The following PACS2 variants were observed in gnomAD, a reference collection of about 807,000 sequenced individuals.
The protein encoded by PACS2 is phosphofurin acidic cluster sorting protein 2.
PACS2 carries 36 observed loss-of-function variants against 113.0 expected under a neutral mutation model. The observed-to-expected ratio is 0.32, with a 90% CI of 0.24 to 0.42. PACS2 has a LOEUF of 0.42. PACS2 is among the 10% of genes least tolerant of loss of function. PACS2 has a pLI of 1.00. For missense variants in PACS2, 1,015 were observed against 1,239.5 expected (o/e 0.82, Z 2.72); for synonymous variants, 589 against 536.1 (o/e 1.10, Z -1.36).
chr14:105,345,230 A>G lies in PACS2; in HGVS notation c.120-3263A>G, dbSNP rs1376377438. Reference sequence around the variant, plus strand: ...AGACCATCCTGCCTAACACGGTGAAACCCCGTCTCCACTAAAAATACAAAA... The same window carrying G: ...AGACCATCCTGCCTAACACGGTGAAGCCCCGTCTCCACTAAAAATACAAAA... On this transcript the variant is annotated intron_variant, in intron 1 of 24. Transcript: ENST00000447393. Among the ~76,000 whole-genome samples the G allele has an allele frequency of 2.6e-5, 4 of 151,968 alleles. No individual in the cohort carries two copies. The East Asian group carries it at 7.7e-4, about 29-fold the overall frequency.
chr14:105,333,209 T>A (rs1200831688), intron 1 of PACS2, among the ~76,000 whole-genome samples: 1 of 152,224 alleles, frequency 6.6e-6, no homozygotes. Context: ...CCCCTCCTGC[T>A]GCATGTGCTC....
Position 105,355,572 on chromosome 14 carries a change from C to G in PACS2, c.423+395C>G, listed in dbSNP as rs782556782. Among the ~76,000 whole-genome samples the G allele has an allele frequency of 6.6e-6, 1 of 152,360 alleles. No individual in the cohort carries two copies. Reference sequence around the variant, plus strand: ...GTCTGCATCCTGCTCAGCACGTGCTCTGGCCCAGGATTGGCTGAGCAGGAG... The same window carrying G: ...GTCTGCATCCTGCTCAGCACGTGCTGTGGCCCAGGATTGGCTGAGCAGGAG... On this transcript the variant is annotated intron_variant, in intron 4 of 24. Transcript: ENST00000447393. The surrounding 1 kb of genome is among the most constrained non-coding windows in gnomAD (Gnocchi z 4.1).
In PACS2 at chr14:105,317,100, GTTC is replaced by G. The variant is rs992268128; in HGVS notation, c.119+2068_119+2070del. 2.6e-4 allele frequency among the ~76,000 whole-genome samples: 39 copies of G among 152,326 alleles called. No individual in the cohort carries two copies. The highest frequency in any genetic ancestry group is 1.9e-4 in the East Asian group (1 of 5,184). ...CTTAGTTTTGCTTTGTTCCTCCTGA[GTTC>G]TTCTGTACTCCTCACTTTTGCCCAG... is the stretch of plus-strand genomic sequence containing the variant. On this transcript the variant is annotated intron_variant, in intron 1 of 24. Transcript: ENST00000447393. The surrounding 1 kb of genome is among the most constrained non-coding windows in gnomAD (Gnocchi z 4.2).
chr14:105,390,697 C>T, intron 20 of PACS2: 1 of 181,116 alleles, frequency 5.5e-6, no homozygotes, highest in Admixed American at 5.4e-5. Context: ...CGATGGCTGG[C>T]CCTCTGGGAG....
chr14:105,364,884 A>G (rs587741142), intron 4 of PACS2, among the ~76,000 whole-genome samples: 1 of 152,056 alleles, frequency 6.6e-6, no homozygotes, highest in South Asian at 2.1e-4. Context: ...TTTTGTAGAG[A>G]TAAGAGTTTC....
At position 105,340,689 on chromosome 14, in the gene PACS2, T is replaced by C. The variant is rs1299709081; in HGVS notation, c.120-7804T>C. ...CTCTGGTCTACAGCACAGGTGACTT[T>C]TCTGTACCAGAGCTAGGAATGAAGG... On this transcript the variant is annotated intron_variant, in intron 1 of 24. Coordinates refer to ENST00000447393, the MANE Select transcript of PACS2 (RefSeq NM_001100913.3). The surrounding 1 kb of genome is among the most constrained non-coding windows in gnomAD (Gnocchi z 4.2). 1.3e-5 allele frequency among the ~76,000 whole-genome samples: 2 copies of C among 152,232 alleles called. No individual in the cohort carries two copies. The highest frequency in any genetic ancestry group is 2.4e-5 in the African/African-American group (1 of 41,462).
Position 105,330,790 on chromosome 14 carries a change from C to A in PACS2, c.119+15753C>A, listed in dbSNP as rs753734216. On this transcript the variant is annotated intron_variant, in intron 1 of 24. Transcript: ENST00000447393. The surrounding 1 kb of genome is among the most constrained non-coding windows in gnomAD (Gnocchi z 6.9). ...TGCCCTGTGGTCAGTCATTTCTGTC[C>A]TCGCCTTTACCTCAAATCCTGCTTT... Among the ~76,000 whole-genome samples the A allele has an allele frequency of 3.3e-5, 5 of 152,344 alleles. No homozygotes were observed. In the South Asian group the frequency reaches 8.3e-4, roughly 25 times the overall value.
Position 105,348,785 on chromosome 14 carries a change from T to C in PACS2, c.207+205T>C. Reference sequence around the variant, plus strand: ...CCGCACAAGGGAGGCAGGCCCGGCCTTCTGGGATGTGGAGGTCACATGCAT... The same window carrying C: ...CCGCACAAGGGAGGCAGGCCCGGCCCTCTGGGATGTGGAGGTCACATGCAT... On this transcript the variant is annotated intron_variant, in intron 2 of 24. Coordinates refer to ENST00000447393, the MANE Select transcript of PACS2 (RefSeq NM_001100913.3). This position sits in a 1 kb window ranked among gnomAD's most constrained non-coding sequence, Gnocchi z 6.4. 1.8e-6 allele frequency: 1 copy of C among 547,838 alleles called. No homozygotes were observed. Among genetic ancestry groups the C allele is most frequent in the Non-Finnish European group, 3.3e-6 (1 of 304,298 alleles). 33.9% of individuals were successfully genotyped at this position (547,838 alleles called of 1,614,324 possible). A position where few individuals can be genotyped will look rare whatever the true frequency, so the allele number is the denominator to read the frequency against.
At chr14:105,375,243 G>T (rs1227339049) in intron 8 of PACS2, among the ~76,000 whole-genome samples, 1 of 152,160 alleles carries the variant, frequency 6.6e-6, no homozygotes, top group Non-Finnish European at 1.5e-5. Flanking sequence ...ACTTTGGGAG[G>T]CCGAGGCGGG....
intron 1 of PACS2, among the ~76,000 whole-genome samples, chr14:105,343,228 TC>T (rs2059801374): frequency 6.6e-6 from 1 of 152,224 alleles, no homozygotes; most frequent in Non-Finnish European, 1.5e-5. Context: ...ATCGATCTGT[TC>T]CTAGCTGTTG....
At chr14:105,310,440 G>T (rs1451332837), upstream of PACS2, among the ~76,000 whole-genome samples, 1 of 143,360 alleles carries the variant, frequency 7.0e-6, no homozygotes, top group Non-Finnish European at 1.5e-5. Flanking sequence ...TGAGGCAGGA[G>T]AATGGCATGA....
intron 1 of PACS2, among the ~76,000 whole-genome samples, chr14:105,331,662 C>A (rs2059307505): frequency 6.6e-6 from 1 of 152,226 alleles, no homozygotes; most frequent in South Asian, 2.1e-4. Flanking sequence ...TGTGAAAGGC[C>A]TGTTGACATT....
Position 105,355,002 on chromosome 14 carries a change from G to T in PACS2, c.298-50G>T, listed in dbSNP as rs964553763. On this transcript the variant is annotated intron_variant, in intron 3 of 24. Coordinates refer to ENST00000447393, the MANE Select transcript of PACS2 (RefSeq NM_001100913.3). This position sits in a 1 kb window ranked among gnomAD's most constrained non-coding sequence, Gnocchi z 4.1. ...CTGGGCCGTCAGAGGCCGTGATGCT[G>T]CCTGGGGCCCCGGTGCACCCTCAGC... is the stretch of plus-strand genomic sequence containing the variant. 1.3e-6 allele frequency: 2 copies of T among 1,598,376 alleles called. No homozygotes were observed. The highest frequency in any genetic ancestry group is 1.7e-6 in the Non-Finnish European group (2 of 1,172,452).
chr14:105,337,940 C>T (rs2059588118), intron 1 of PACS2, among the ~76,000 whole-genome samples: 2 of 152,246 alleles, frequency 1.3e-5, no homozygotes, highest in African/African-American at 4.8e-5. Flanking sequence ...AGCAGCGTCC[C>T]CTCCAGTCTC....
rs1191813839 is a variant in PACS2, at chr14:105,355,854, C to G, written c.423+677C>G. On this transcript the variant is annotated intron_variant, in intron 4 of 24. Transcript: ENST00000447393. This position sits in a 1 kb window ranked among gnomAD's most constrained non-coding sequence, Gnocchi z 4.1. ...CCTCGGACTTTCTCATGGACCCTTT[C>G]GGGGCTGCAAGATTGGCTCTGGGAG... 6.6e-6 allele frequency among the ~76,000 whole-genome samples: 1 copy of G among 152,292 alleles called. No homozygotes were observed. The highest frequency in any genetic ancestry group is 1.9e-4 in the East Asian group (1 of 5,180).
At chr14:105,318,534 A>G (rs1227099673) in intron 1 of PACS2, among the ~76,000 whole-genome samples, 1 of 151,560 alleles carries the variant, frequency 6.6e-6, no homozygotes, top group Non-Finnish European at 1.5e-5. Flanking sequence ...GCTCACTGCA[A>G]CCTCCGCCTC....
At chr14:105,342,264 G>GTGTGTGTGTT (rs1566920040) in intron 1 of PACS2, among the ~76,000 whole-genome samples, 40 of 151,954 alleles carry the variant, frequency 2.6e-4, no homozygotes, top group African/African-American at 9.4e-4. Context: ...GTGTGTGTGT[G>GTGTGTGTGTT]TGTGTGTCTA....
rs2058280420 is a variant in PACS2 at position 105,309,301 on chromosome 14, C to T, written c.-83+8322C>T. ...GAGGGGAGAGTTTTATTCCTGAATC[C>T]AGGTCATGCTGTGTTCAACTTTACA... is the stretch of plus-strand genomic sequence containing the variant. On this transcript the variant is annotated intron_variant, in intron 1 of 23. Coordinates refer to the PACS2 transcript ENST00000430725. This position sits in a 1 kb window ranked among gnomAD's most constrained non-coding sequence, Gnocchi z 4.0. 6.6e-6 allele frequency among the ~76,000 whole-genome samples: 1 copy of T among 152,138 alleles called. No homozygotes were observed.
In PACS2 at chr14:105,323,828, G is replaced by A. The variant is rs1192211961; in HGVS notation, c.119+8791G>A. Among the ~76,000 whole-genome samples the A allele has an allele frequency of 1.3e-5, 2 of 152,210 alleles. No homozygotes were observed. Among genetic ancestry groups the A allele is most frequent in the African/African-American group, 2.4e-5 (1 of 41,460 alleles). On this transcript the variant is annotated intron_variant, in intron 1 of 24. Coordinates refer to ENST00000447393, the MANE Select transcript of PACS2 (RefSeq NM_001100913.3). The surrounding 1 kb of genome is among the most constrained non-coding windows in gnomAD (Gnocchi z 4.1). ...GTGGCCTGTAGGCTGGGCAGCACTCGAGCTGGGGCCAAGGGGCAGCAGGAC... is the reference window on the plus strand; with the variant it reads ...GTGGCCTGTAGGCTGGGCAGCACTCAAGCTGGGGCCAAGGGGCAGCAGGAC...
Sources: gnomAD v4.1 joint callset for allele counts (sites outside exome capture counted in the v4.1 genomes callset) on GRCh38, gnomAD v4.1.1 for gene constraint, Gnocchi (gnomAD v3.1) non-coding constraint, MANE v1.5 for transcripts, NCBI Gene and HGNC (gene_info 2026-07-23, HGNC 2026-07-21) for gene names.